The following SLC12A6 variants were observed in gnomAD, a reference collection of about 807,000 sequenced individuals.
The protein encoded by SLC12A6 is K-Cl cotransporter 3.
A neutral mutation model predicts 135.3 loss-of-function variants in SLC12A6; 66 were observed. That is an observed-to-expected ratio of 0.49 (90% CI 0.40 to 0.60). The LOEUF (loss-of-function observed/expected upper bound fraction) is 0.60, where lower values mean the gene tolerates loss of function less well. SLC12A6 is among the 20% of genes least tolerant of loss of function. The pLI, the probability that SLC12A6 is intolerant of heterozygous loss-of-function variation, is 0.00. For missense variants in SLC12A6, 1,058 were observed against 1,452.3 expected, an observed-to-expected ratio of 0.73 and a Z score of 4.41; for synonymous variants, 513 against 508.8, an observed-to-expected ratio of 1.01 and a Z score of -0.11.
chr15:34,304,063 C>A (rs1266005326), intron 2 of SLC12A6, among the ~76,000 whole-genome samples: 2 of 152,150 alleles, frequency 1.3e-5, no homozygotes, highest in Non-Finnish European at 2.9e-5. Context: ...GCAGGCTAAT[C>A]CCCATCTCAC....
chr15:34,311,823 G>A (rs1438155230), intron 2 of SLC12A6, among the ~76,000 whole-genome samples: 9 of 152,012 alleles, frequency 5.9e-5, no homozygotes, highest in Admixed American at 4.6e-4. Flanking sequence ...TTTCCCATGT[G>A]CTATACCCTG....
intron 22 of SLC12A6, chr15:34,237,038 T>C (rs1202624219): frequency 5.5e-6 from 3 of 543,888 alleles, no homozygotes; most frequent in Non-Finnish European, 9.9e-6. Context: ...AACCAAGACA[T>C]GTGTTGCCTT....
At chr15:34,333,541 T>G (rs1304863040) in intron 2 of SLC12A6, among the ~76,000 whole-genome samples, 2 of 152,022 alleles carry the variant, frequency 1.3e-5, no homozygotes, top group African/African-American at 4.8e-5. Flanking sequence ...CCACTCTATT[T>G]TTGTAACTCA....
At chr15:34,312,544 C>G (rs1888331212) in intron 2 of SLC12A6, among the ~76,000 whole-genome samples, 1 of 152,174 alleles carries the variant, frequency 6.6e-6, no homozygotes, top group South Asian at 2.1e-4. Flanking sequence ...TGAGCACACG[C>G]TGCTGAGAAA....
intron 25 of SLC12A6, among the ~76,000 whole-genome samples, chr15:34,234,208 G>C (rs1891101938): frequency 6.6e-6 from 1 of 152,032 alleles, no homozygotes; most frequent in Non-Finnish European, 1.5e-5. Flanking sequence ...GGAAAACCTA[G>C]AAGTGTTACT....
At chr15:34,257,026 C>CATCTGGGGAT (rs1430806765) in intron 6 of SLC12A6, among the ~76,000 whole-genome samples, 3 of 152,096 alleles carry the variant, frequency 2.0e-5, no homozygotes, top group Non-Finnish European at 4.4e-5. Flanking sequence ...CTGTTTTGCT[C>CATCTGGGGAT]ATCAGCTGGG....
chr15:34,234,227 GAT>G (rs887340251), intron 25 of SLC12A6, among the ~76,000 whole-genome samples: 17 of 152,144 alleles, frequency 1.1e-4, no homozygotes, highest in Admixed American at 9.2e-4. Flanking sequence ...CTCTAAATAA[GAT>G]AAAAATGATG....
intron 2 of SLC12A6, among the ~76,000 whole-genome samples, chr15:34,301,029 C>A (rs540813610): frequency 6.6e-6 from 1 of 152,002 alleles, no homozygotes; most frequent in Non-Finnish European, 1.5e-5. Context: ...AGTGCAATGG[C>A]GCGATCTCGG....
chr15:34,267,626 ACT>A (rs1277059052), intron 3 of SLC12A6, among the ~76,000 whole-genome samples: 1 of 152,222 alleles, frequency 6.6e-6, no homozygotes, highest in African/African-American at 2.4e-5. Flanking sequence ...TGGCAGGAGG[ACT>A]GCTTGAGGGC....
At chr15:34,336,802 T>C in intron 1 of SLC12A6, 50 bp from the exon 2 acceptor site, 2 of 798,754 alleles carry the variant, frequency 2.5e-6, no homozygotes, top group Non-Finnish European at 4.2e-6. Context: ...ATAACCTTGA[T>C]TCACACCACA....
chr15:34,259,753 T>G (rs1892985884), intron 4 of SLC12A6, among the ~76,000 whole-genome samples: 1 of 152,308 alleles, frequency 6.6e-6, no homozygotes, highest in African/African-American at 2.4e-5. Flanking sequence ...GGCCACAGCT[T>G]ATGGAGCCTG....
At chr15:34,260,290 G>A (rs534991602) in intron 4 of SLC12A6, among the ~76,000 whole-genome samples, 1 of 152,260 alleles carries the variant, frequency 6.6e-6, no homozygotes, top group East Asian at 1.9e-4. Flanking sequence ...ACGGAGTCTT[G>A]CTCTGTCGCC....
In SLC12A6 at chr15:34,310,305, GTGT is replaced by G. The variant is rs1227068035; in HGVS notation, c.271+26102_271+26104del. Among the ~76,000 whole-genome samples the G allele has an allele frequency of 5.3e-4, 47 of 89,282 alleles. 1 individual carries two copies. The highest frequency in any genetic ancestry group is 3.9e-3 in the African/African-American group (45 of 11,560). The allele number at this position is 89,282 out of a possible 152,430, so 58.6% of individuals were successfully genotyped here. A position where few individuals can be genotyped will look rare whatever the true frequency, so the allele number is the denominator to read the frequency against. On this transcript the variant is annotated intron_variant, in intron 2 of 25. Coordinates refer to ENST00000354181, the MANE Select transcript of SLC12A6 (RefSeq NM_001365088.1). Reference sequence around the variant, plus strand: ...GTGTTGAACTCCTGGGCTCAAGTGTGTGTGTGTGTGTGTGTGTGTGTCCCCGTG... The same window carrying G: ...GTGTTGAACTCCTGGGCTCAAGTGTGGTGTGTGTGTGTGTGTGTCCCCGTG...
Position 34,250,733 on chromosome 15 carries a change from T to C in SLC12A6, c.1493-4A>G, listed in dbSNP as rs2140726903. ...CTGTTTGATCCAGCCATGATACCTT[T>C]AGAGATAAGGGGGAAAAAACCAAGT... On this transcript the variant is annotated splice_polypyrimidine_tract_variant and splice_region_variant and intron_variant, in intron 11 of 25. Coordinates refer to ENST00000354181, the MANE Select transcript of SLC12A6 (RefSeq NM_001365088.1). 4 of 1,565,968 alleles carry C rather than the reference T, an allele frequency of 2.6e-6. No individual in the cohort carries two copies. The highest frequency in any genetic ancestry group is 3.5e-6 in the Non-Finnish European group (4 of 1,136,134).
intron 2 of SLC12A6, among the ~76,000 whole-genome samples, chr15:34,278,525 G>T (rs978166282): frequency 2.6e-5 from 4 of 152,182 alleles, no homozygotes; most frequent in Admixed American, 2.6e-4. Flanking sequence ...AGACAAGCCA[G>T]GAGTCTTCCT....
At position 34,236,083 on chromosome 15, in the gene SLC12A6, C is replaced by CAA; in HGVS notation, c.3158_3159insTT (p.Lys1053AsnfsTer30). 1 of 1,614,014 alleles carries CAA rather than the reference C, an allele frequency of 6.2e-7. No individual in the cohort carries two copies. The highest frequency in any genetic ancestry group is 8.5e-7 in the Non-Finnish European group (1 of 1,179,882). On this transcript the variant is annotated frameshift_variant, in exon 24 of 26. Transcript: ENST00000354181. LOFTEE classifies it high-confidence loss of function. ...CTTTTTGTCCCCGGGATGCCATGTA[C>CAA]TTGTCTTTTGTCCAAGTCATGTGCA...
At chr15:34,257,144 G>C (rs919947454) in intron 6 of SLC12A6, among the ~76,000 whole-genome samples, 2 of 152,012 alleles carry the variant, frequency 1.3e-5, no homozygotes, top group Admixed American at 1.3e-4. Context: ...TTAAATTAAA[G>C]GAAGATAAAA....
At chr15:34,315,750 C>A (rs1888599027) in intron 2 of SLC12A6, among the ~76,000 whole-genome samples, 1 of 152,088 alleles carries the variant, frequency 6.6e-6, no homozygotes, top group Admixed American at 6.6e-5. Context: ...CTTTTGGAGA[C>A]TGAGGCGGGC....
chr15:34,285,160 G>A (rs926650996), intron 2 of SLC12A6, among the ~76,000 whole-genome samples: 1 of 152,184 alleles, frequency 6.6e-6, no homozygotes, highest in Non-Finnish European at 1.5e-5. Flanking sequence ...GATCACAACA[G>A]CTATAGTCTG....
Sources: gnomAD v4.1 joint callset for allele counts (sites outside exome capture counted in the v4.1 genomes callset) on GRCh38, gnomAD v4.1.1 for gene constraint, MANE v1.5 for transcripts, NCBI Gene and HGNC (gene_info 2026-07-23, HGNC 2026-07-21) for gene names.